Variants in SIPA1L1 observed in about 807,000 individuals in gnomAD.
SIPA1L1 encodes the protein signal-induced proliferation-associated 1-like protein 1.
SIPA1L1 carries 26 observed loss-of-function variants against 162.7 expected under a neutral mutation model. The observed-to-expected ratio is 0.16, with a 90% CI of 0.12 to 0.22. SIPA1L1 has a LOEUF of 0.22. Among genes scored for constraint, SIPA1L1 ranks in the 10% least tolerant of loss-of-function variants. The probability of loss-of-function intolerance (pLI) is 1.00; values close to 1 mark genes in which losing one functional copy is unlikely to be tolerated. For missense variants in SIPA1L1, 1,874 were observed against 2,241.0 expected (o/e 0.84, Z 3.31); for synonymous variants, 829 against 837.4 (o/e 0.99, Z 0.17).
Position 71,587,938 on chromosome 14 carries a change from C to T in SIPA1L1, c.66C>T (p.Gly22=). 2 of 1,613,910 alleles carry T rather than the reference C, an allele frequency of 1.2e-6. No individual in the cohort carries two copies. The highest frequency in any genetic ancestry group is 1.7e-6 in the Non-Finnish European group (2 of 1,179,894). The stretch of plus-strand genomic sequence containing the variant: ...CCACTGACAGGGCCTCTGTTGTTGG[C>T]ACAGACGGCACCCCCAAAGTCCACA... ...PLATDRASVV[G]TDGTPKVHTD... is the part of the protein sequence containing the mutation. The change falls in exon 5 of 24, where the codon GGC becomes GGT. Residue 22 remains glycine (G), a synonymous_variant. Coordinates refer to ENST00000381232, the MANE Select transcript of SIPA1L1 (RefSeq NM_001386936.1).
intron 2 of SIPA1L1, among the ~76,000 whole-genome samples, chr14:71,392,711 T>C (rs1226330743): frequency 1.3e-5 from 2 of 152,134 alleles, no homozygotes; most frequent in Non-Finnish European, 2.9e-5. Flanking sequence ...GTATTTTTTT[T>C]TTTAGTAGAG....
At chr14:71,529,087 G>A (rs2053180919) in intron 3 of SIPA1L1, among the ~76,000 whole-genome samples, 1 of 151,462 alleles carries the variant, frequency 6.6e-6, no homozygotes, top group Admixed American at 6.6e-5. Context: ...CCTCTAGCCT[G>A]GGCAACAAGA....
At chr14:71,442,797 G>GT (rs1411096156) in intron 2 of SIPA1L1, among the ~76,000 whole-genome samples, 1 of 152,130 alleles carries the variant, frequency 6.6e-6, no homozygotes, top group Non-Finnish European at 1.5e-5. Flanking sequence ...TTAGCCAAGC[G>GT]TGATGGCATG....
At chr14:71,393,888 C>G (rs1370210079) in intron 2 of SIPA1L1, among the ~76,000 whole-genome samples, 1 of 152,198 alleles carries the variant, frequency 6.6e-6, no homozygotes, top group Admixed American at 6.5e-5. Flanking sequence ...CAGGGCTGAT[C>G]AGATCCTGGA....
chr14:71,323,329 T>A (rs1030824384), intron 2 of SIPA1L1, among the ~76,000 whole-genome samples: 7 of 152,232 alleles, frequency 4.6e-5, no homozygotes, highest in Admixed American at 1.3e-4. Flanking sequence ...TTTCTTTTTT[T>A]AAAAATCTGT....
chr14:71,699,436 C>G (rs946184531), intron 14 of SIPA1L1, among the ~76,000 whole-genome samples: 1 of 152,054 alleles, frequency 6.6e-6, no homozygotes, highest in African/African-American at 2.4e-5. Context: ...TTATTTACTC[C>G]AAAGTAGAAA....
chr14:71,585,876 TTA>T (rs1433625479), intron 4 of SIPA1L1, among the ~76,000 whole-genome samples: 1 of 152,232 alleles, frequency 6.6e-6, no homozygotes, highest in African/African-American at 2.4e-5. Context: ...TCCTTCCATT[TTA>T]TGAGAATCAC....
chr14:71,632,005 G>C (rs1311923697), intron 7 of SIPA1L1, among the ~76,000 whole-genome samples: 1 of 152,134 alleles, frequency 6.6e-6, no homozygotes, highest in Non-Finnish European at 1.5e-5. Flanking sequence ...TTCAGTAATG[G>C]CAAAGTTGCT....
At chr14:71,451,085 A>G (rs1445738961) in intron 2 of SIPA1L1, among the ~76,000 whole-genome samples, 4 of 152,132 alleles carry the variant, frequency 2.6e-5, no homozygotes, top group Admixed American at 2.6e-4. Flanking sequence ...AAAAGAAGGA[A>G]ATGCTTTCAT....
chr14:71,484,127 C>G (rs1308025135), intron 2 of SIPA1L1, among the ~76,000 whole-genome samples: 2 of 152,154 alleles, frequency 1.3e-5, no homozygotes, highest in African/African-American at 4.8e-5. Context: ...TTAATGCAGC[C>G]TTGAATAAAT....
At chr14:71,509,729 A>G (rs1354095132) in intron 2 of SIPA1L1, among the ~76,000 whole-genome samples, 1 of 147,644 alleles carries the variant, frequency 6.8e-6, no homozygotes. Flanking sequence ...GGGCAACAAG[A>G]GTGAAACTCC....
At chr14:71,590,033 AAAAAAAAAAAAATAT>A (rs1418960433) in intron 5 of SIPA1L1, among the ~76,000 whole-genome samples, 4 of 72,296 alleles carry the variant, frequency 5.5e-5, no homozygotes, top group South Asian at 5.7e-4. Context: ...AAAAAAAAAA[AAAAAAAAAAAAATAT>A]ATATATATAT....
intron 13 of SIPA1L1, among the ~76,000 whole-genome samples, chr14:71,690,259 AT>A (rs905281804): frequency 6.7e-5 from 10 of 148,500 alleles, no homozygotes; most frequent in African/African-American, 1.5e-4. Flanking sequence ...TTCTTTAATT[AT>A]TTTTTTTTTG....
Position 71,529,431 on chromosome 14 carries a change from T to C in SIPA1L1, c.-303+61T>C, listed in dbSNP as rs1272443656. 2.8e-5 allele frequency: 16 copies of C among 573,932 alleles called. No homozygotes were observed. In the South Asian group the frequency reaches 3.4e-4, roughly 12 times the overall value. The allele number at this position is 573,932 out of a possible 1,614,324, so 35.6% of individuals were successfully genotyped here. A position where few individuals can be genotyped will look rare whatever the true frequency, so the allele number is the denominator to read the frequency against. On this transcript the variant is annotated intron_variant, in intron 4 of 23. Transcript: ENST00000381232. The stretch of plus-strand genomic sequence containing the variant: ...CTTTACAAAGTGTTGATTTTCTGTG[T>C]TTAAATTTCTGATTAGAGAAATGAA...
intron 5 of SIPA1L1, among the ~76,000 whole-genome samples, chr14:71,617,191 C>T (rs1334788074): frequency 6.6e-6 from 1 of 152,152 alleles, no homozygotes; most frequent in Non-Finnish European, 1.5e-5. Context: ...TTTCTGTTTT[C>T]TTCCTTGTTG....
chr14:71,568,947 A>G (rs1051816856), intron 4 of SIPA1L1, among the ~76,000 whole-genome samples: 4 of 152,144 alleles, frequency 2.6e-5, no homozygotes, highest in African/African-American at 9.7e-5. Context: ...TTCCTTTTTG[A>G]TGTGCAGCAA....
chr14:71,704,502 TGA>T (rs1336699074), intron 15 of SIPA1L1, among the ~76,000 whole-genome samples: 1 of 152,198 alleles, frequency 6.6e-6, no homozygotes, highest in Non-Finnish European at 1.5e-5. Context: ...TGGAAATGGT[TGA>T]GAGTCAGAGT....
At chr14:71,468,011 T>G (rs985137343) in intron 2 of SIPA1L1, among the ~76,000 whole-genome samples, 2 of 136,896 alleles carry the variant, frequency 1.5e-5, no homozygotes, top group African/African-American at 5.3e-5. Flanking sequence ...GAGGGGTGTG[T>G]GTGTGTGTGT....
intron 2 of SIPA1L1, among the ~76,000 whole-genome samples, chr14:71,490,028 G>A (rs1307347678): frequency 6.6e-6 from 1 of 152,188 alleles, no homozygotes; most frequent in Non-Finnish European, 1.5e-5. Context: ...TACATAGAAT[G>A]TGTTAAACAG....
Sources: gnomAD v4.1 joint callset for allele counts (sites outside exome capture counted in the v4.1 genomes callset) on GRCh38, gnomAD v4.1.1 for gene constraint, MANE v1.5 for transcripts, NCBI Gene and HGNC (gene_info 2026-07-23, HGNC 2026-07-21) for gene names.